Variants in PAK1 observed in about 807,000 individuals in gnomAD.
PAK1 encodes p21 (RAC1) activated kinase 1.
A neutral mutation model predicts 67.4 loss-of-function variants in PAK1; 29 were observed. That is an observed-to-expected ratio of 0.43 (90% confidence interval 0.32 to 0.59). PAK1 has a LOEUF of 0.59. Among genes scored for constraint, PAK1 ranks in the 20% least tolerant of loss-of-function variants. The pLI is 0.07. For synonymous variants in PAK1, 223 were observed against 237.4 expected, an observed-to-expected ratio of 0.94 and a Z score of 0.56; for missense variants, 337 against 670.7, an observed-to-expected ratio of 0.50 and a Z score of 5.50.
chr11:77,399,676 G>A (rs1243218996), intron 1 of PAK1, among the ~76,000 whole-genome samples: 3 of 151,276 alleles, frequency 2.0e-5, no homozygotes, highest in South Asian at 2.1e-4. Context: ...CGGCTAAAAC[G>A]GTGAAACCCC....
At chr11:77,500,640 G>C in the PAK1 span, among the ~76,000 whole-genome samples, 1 of 151,874 alleles carries the variant, frequency 6.6e-6, no homozygotes, top group Non-Finnish European at 1.5e-5. Flanking sequence ...GAGCCCCAGA[G>C]TTCAGGATCA....
chr11:77,516,826 G>A, the PAK1 span, among the ~76,000 whole-genome samples: 1 of 112,882 alleles, frequency 8.9e-6, no homozygotes, highest in Non-Finnish European at 1.7e-5. Context: ...AACATAGTGA[G>A]ACCCCATCTC....
chr11:77,427,854 A>AG, intron 1 of PAK1, among the ~76,000 whole-genome samples: 1 of 152,360 alleles, frequency 6.6e-6, no homozygotes, highest in Admixed American at 6.5e-5. Flanking sequence ...CACTGTATTC[A>AG]GGCTCTGACA....
At chr11:77,522,774 T>C in the PAK1 span, among the ~76,000 whole-genome samples, 1 of 152,228 alleles carries the variant, frequency 6.6e-6, no homozygotes, top group Non-Finnish European at 1.5e-5. Context: ...TGCACTCATA[T>C]GTTCATCATA....
At chr11:77,330,477 G>A (rs1163666934) in intron 14 of PAK1, among the ~76,000 whole-genome samples, 1 of 152,070 alleles carries the variant, frequency 6.6e-6, no homozygotes, top group Non-Finnish European at 1.5e-5. Flanking sequence ...CAGAAATAAC[G>A]CCGCATATCT....
the PAK1 span, among the ~76,000 whole-genome samples, chr11:77,481,334 T>C: frequency 7.9e-5 from 12 of 152,188 alleles, no homozygotes; most frequent in African/African-American, 2.9e-4. Context: ...ATTTATGTGG[T>C]GATTCTCTGT....
At chr11:77,399,586 G>A (rs533781138) in intron 1 of PAK1, among the ~76,000 whole-genome samples, 20 of 152,118 alleles carry the variant, frequency 1.3e-4, no homozygotes, top group African/African-American at 2.9e-4. Flanking sequence ...TTGGCCGGGC[G>A]CGGTGGCTCA....
chr11:77,440,031 T>C (rs1956286170), intron 1 of PAK1, among the ~76,000 whole-genome samples: 2 of 152,224 alleles, frequency 1.3e-5, no homozygotes, highest in Admixed American at 1.3e-4. Flanking sequence ...TCAGGTATTA[T>C]AAACTTAATC....
At chr11:77,332,988 GTATA>G in intron 13 of PAK1, 121 bp from the exon 14 acceptor site, 1 of 842,932 alleles carries the variant, frequency 1.2e-6, no homozygotes, top group East Asian at 2.4e-5. Context: ...TAGCAGCTGT[GTATA>G]TATACTGGAA....
chr11:77,322,934 GAATT>G lies in PAK1; in HGVS notation c.*336_*339del. 3.4e-6 allele frequency: 2 copies of G among 582,998 alleles called. No homozygotes were observed. Among genetic ancestry groups the G allele is most frequent in the Non-Finnish European group, 6.1e-6 (2 of 329,724 alleles). The allele number at this position is 582,998 out of a possible 1,614,324, so 36.1% of individuals were successfully genotyped here. The stretch of plus-strand genomic sequence containing the variant: ...TCAAACCATAAATTTATATAGTCAA[GAATT>G]AATTGTGGGAGATGGTTATGAAGGA... On this transcript the variant is annotated 3_prime_UTR_variant, in exon 15 of 15. Coordinates refer to ENST00000356341, the MANE Select transcript of PAK1 (RefSeq NM_002576.5).
At chr11:77,425,480 T>C (rs1194222687) in intron 1 of PAK1, among the ~76,000 whole-genome samples, 1 of 152,176 alleles carries the variant, frequency 6.6e-6, no homozygotes, top group Non-Finnish European at 1.5e-5. Context: ...AATTCTTACA[T>C]ACCCTCCTTT....
the PAK1 span, among the ~76,000 whole-genome samples, chr11:77,514,196 A>G: frequency 6.6e-6 from 1 of 152,188 alleles, no homozygotes; most frequent in Non-Finnish European, 1.5e-5. Context: ...TTTGTGACTA[A>G]GTATAAGACA....
intron 1 of PAK1, among the ~76,000 whole-genome samples, chr11:77,459,690 C>CT (rs755731892): frequency 0.019 from 2,577 of 134,526 alleles, 44 homozygotes; most frequent in African/African-American, 0.034. Context: ...TCTTCTTCTT[C>CT]TTTTTTTTTT....
rs188903283 is a variant in PAK1 at position 77,357,170 on chromosome 11, C to T, written c.598-1328G>A. On this transcript the variant is annotated intron_variant, in intron 6 of 14. Coordinates refer to ENST00000356341, the MANE Select transcript of PAK1 (RefSeq NM_002576.5). ...TTTATCTATGATGATCATTTATCTG[C>T]GATGATGCAAAGCCATTGGCAACAG... Among the ~76,000 whole-genome samples the T allele has an allele frequency of 1.2e-4, 18 of 152,244 alleles. No individual in the cohort carries two copies. The East Asian group carries it at 2.3e-3, about 20-fold the overall frequency.
intron 14 of PAK1, chr11:77,325,440 CTTAGTGCCTAAATATATAAAGTGT>C (rs1939569637): frequency 6.5e-6 from 10 of 1,530,186 alleles, no homozygotes; most frequent in Non-Finnish European, 8.0e-6. Context: ...ATATAAAGTG[CTTAGTGCCTAAATATATAAAGTGT>C]TTAGTGCCTA....
chr11:77,521,002 T>C, the PAK1 span, among the ~76,000 whole-genome samples: 2 of 152,196 alleles, frequency 1.3e-5, no homozygotes, highest in African/African-American at 4.8e-5. Context: ...TTTATCCATA[T>C]ATGCCCTATC....
intron 1 of PAK1, among the ~76,000 whole-genome samples, chr11:77,430,409 T>C (rs897082304): frequency 2.6e-5 from 4 of 152,174 alleles, no homozygotes; most frequent in Admixed American, 2.6e-4. Flanking sequence ...TTTGGCCCAG[T>C]CCTATGAGTG....
the PAK1 span, among the ~76,000 whole-genome samples, chr11:77,520,245 G>A: frequency 6.6e-6 from 1 of 152,180 alleles, no homozygotes; most frequent in African/African-American, 2.4e-5. Flanking sequence ...ATAAGGATAA[G>A]GATGAAGACC....
At chr11:77,377,258 CAT>C (rs755252021) in intron 4 of PAK1, among the ~76,000 whole-genome samples, 12 of 152,078 alleles carry the variant, frequency 7.9e-5, no homozygotes, top group Admixed American at 2.0e-4. Flanking sequence ...AAAAGAATCA[CAT>C]GAGGTAATTC....
Sources: gnomAD v4.1 joint callset for allele counts (sites outside exome capture counted in the v4.1 genomes callset) on GRCh38, gnomAD v4.1.1 for gene constraint, MANE v1.5 for transcripts, NCBI Gene and HGNC (gene_info 2026-07-23, HGNC 2026-07-21) for gene names.